Variants in DUSP19 observed in about 807,000 individuals in gnomAD.
DUSP19 encodes the protein dual specificity protein phosphatase 19.
Under a neutral mutation model 16.6 loss-of-function variants are expected in DUSP19, and 14 were observed. That is an observed-to-expected ratio of 0.84 (90% confidence interval 0.56 to 1.32). The LOEUF is 1.32. Among genes scored for constraint, DUSP19 ranks in the 40% most tolerant of loss-of-function variants. The pLI, the probability that DUSP19 is intolerant of heterozygous loss-of-function variation, is 0.00. For missense variants in DUSP19, 258 were observed against 255.9 expected, an observed-to-expected ratio of 1.01 and a Z score of -0.06; for synonymous variants, 81 against 90.5, an observed-to-expected ratio of 0.90 and a Z score of 0.59.
chr2:183,094,541 GAT>G (rs1467602528), intron 3 of DUSP19, among the ~76,000 whole-genome samples: 3 of 152,104 alleles, frequency 2.0e-5, no homozygotes, highest in Non-Finnish European at 4.4e-5. Context: ...TGTCCCATCA[GAT>G]CTATCACATT....
chr2:183,087,864 C>G (rs1398449105), intron 3 of DUSP19, among the ~76,000 whole-genome samples: 1 of 152,122 alleles, frequency 6.6e-6, no homozygotes, highest in Non-Finnish European at 1.5e-5. Flanking sequence ...ACCTTCTCTC[C>G]CTTTATCTTT....
chr2:183,087,161 G>A lies in DUSP19; in HGVS notation c.395G>A (p.Cys132Tyr). The A allele has an allele frequency of 1.2e-6, 2 of 1,612,962 alleles. No individual in the cohort carries two copies. The highest frequency in any genetic ancestry group is 1.7e-6 in the Non-Finnish European group (2 of 1,179,778). ...ETNILSYFPE[C>Y]FEFIEEAKRK... is the part of the protein sequence containing the mutation. ...AACATCCTGTCTTATTTTCCAGAAT[G>A]TTTTGAATTTATTGAAGAAGCAAAA... is the stretch of plus-strand genomic sequence containing the variant. Residue 132 changes from cysteine to tyrosine, a missense_variant, in exon 3 of 4, where the codon TGT becomes TAT. Coordinates refer to ENST00000354221, the MANE Select transcript of DUSP19 (RefSeq NM_080876.4).
At position 183,098,937 on chromosome 2, in the gene DUSP19, CA is replaced by C; in HGVS notation, c.*3282del. ...TAGACCAGTATACTAATTCAAAAGA[CA>C]AATATTTCAGAGGAAGTGGAGTACA... On this transcript the variant is annotated 3_prime_UTR_variant, in exon 4 of 4. Coordinates refer to ENST00000354221, the MANE Select transcript of DUSP19 (RefSeq NM_080876.4). 1 of 152,210 alleles carries C rather than the reference CA, an allele frequency of 6.6e-6. No individual in the cohort carries two copies. The highest frequency in any genetic ancestry group is 2.1e-4 in the South Asian group (1 of 4,816). 9.4% of individuals were successfully genotyped at this position (152,210 alleles called of 1,614,324 possible).
At chr2:183,081,685 T>C (rs1699594016) in intron 1 of DUSP19, among the ~76,000 whole-genome samples, 1 of 152,196 alleles carries the variant, frequency 6.6e-6, no homozygotes, top group African/African-American at 2.4e-5. Context: ...AATAGACAAT[T>C]ATGTATATAC....
chr2:183,088,776 TA>T (rs1164649964), intron 3 of DUSP19, among the ~76,000 whole-genome samples: 1 of 152,184 alleles, frequency 6.6e-6, no homozygotes, highest in Non-Finnish European at 1.5e-5. Context: ...GTTTTCTTGT[TA>T]AAAAATTTAC....
intron 3 of DUSP19, among the ~76,000 whole-genome samples, chr2:183,091,957 C>T (rs1185898160): frequency 1.3e-5 from 2 of 152,150 alleles, no homozygotes; most frequent in Non-Finnish European, 1.5e-5. Context: ...TTACATTCCC[C>T]TCTACTACTG....
At chr2:183,084,120 G>T (rs930112212) in intron 2 of DUSP19, among the ~76,000 whole-genome samples, 7 of 152,154 alleles carry the variant, frequency 4.6e-5, no homozygotes, top group Non-Finnish European at 1.5e-5. Context: ...AGCAGCTACC[G>T]AACAGCGTTT....
rs553066374 is a variant in DUSP19, at chr2:183,093,494, GA to G, written c.427-1928del. 1.7e-3 allele frequency among the ~76,000 whole-genome samples: 262 copies of G among 150,186 alleles called. 1 individual carries two copies. The highest frequency in any genetic ancestry group is 4.0e-3 in the African/African-American group (165 of 40,994). On this transcript the variant is annotated intron_variant, in intron 3 of 3. Coordinates refer to ENST00000354221, the MANE Select transcript of DUSP19 (RefSeq NM_080876.4). ...GCATAGGACAACAGCAAGTGCAAAG[GA>G]AAAAAAAAGTGGTTTATAAATTGTT...
intron 3 of DUSP19, among the ~76,000 whole-genome samples, chr2:183,091,227 C>A (rs964456326): frequency 2.0e-5 from 3 of 152,014 alleles, no homozygotes; most frequent in Admixed American, 2.0e-4. Context: ...AAATAAGTAC[C>A]TAAATTCACG....
At chr2:183,086,651 GAAAAAA>G (rs71008262) in intron 2 of DUSP19, among the ~76,000 whole-genome samples, 2 of 95,702 alleles carry the variant, frequency 2.1e-5, no homozygotes, top group African/African-American at 7.8e-5. Context: ...CCTCTTCTCT[GAAAAAA>G]AAAAAAAAAA....
Position 183,095,649 on chromosome 2 carries a change from C to T in DUSP19, c.645C>T (p.Asn215=). ...ATAAGTGTGACAGAATACAGGAGAA[C>T]AGTTCATGAGTTGCATTGTAGCAGA... ...ESNKCDRIQE[N]SS is the part of the protein sequence containing the mutation. The change falls in exon 4 of 4, where the codon AAC becomes AAT. Residue 215 remains asparagine (N), a synonymous_variant. Coordinates refer to ENST00000354221, the MANE Select transcript of DUSP19 (RefSeq NM_080876.4). The T allele has an allele frequency of 6.2e-7, 1 of 1,612,144 alleles. No individual in the cohort carries two copies. Among genetic ancestry groups the T allele is most frequent in the Non-Finnish European group, 8.5e-7 (1 of 1,178,550 alleles).
intron 3 of DUSP19, among the ~76,000 whole-genome samples, chr2:183,094,295 A>C (rs1180377209): frequency 6.6e-6 from 1 of 152,192 alleles, no homozygotes; most frequent in Non-Finnish European, 1.5e-5. Context: ...TTGCAGAAGT[A>C]AAATAATCCA....
chr2:183,087,316 AATATTTC>A, intron 3 of DUSP19, 124 bp downstream of exon 3: 1 of 995,760 alleles, frequency 1.0e-6, no homozygotes, highest in Non-Finnish European at 1.4e-6. Flanking sequence ...CCCTTCTAAC[AATATTTC>A]ATTATTTCCT....
intron 3 of DUSP19, among the ~76,000 whole-genome samples, chr2:183,088,278 C>T (rs988069897): frequency 6.6e-6 from 1 of 151,994 alleles, no homozygotes; most frequent in African/African-American, 2.4e-5. Context: ...GTGATGTTTA[C>T]ACCACGAAGA....
chr2:183,087,105 G>A lies in DUSP19; in HGVS notation c.339G>A (p.Lys113=), dbSNP rs1046145242. The A allele has an allele frequency of 8.7e-6, 14 of 1,613,116 alleles. No individual in the cohort carries two copies. Among genetic ancestry groups the A allele is most frequent in the East Asian group, 4.5e-5 (2 of 44,786 alleles). Residue 113 remains lysine, a synonymous_variant, in exon 3 of 4, where the codon AAG becomes AAA. Coordinates refer to ENST00000354221, the MANE Select transcript of DUSP19 (RefSeq NM_080876.4). ...ENAFLSDFTY[K]SISILDLPET... ...CTTTCCTCAGTGACTTTACATATAA[G>A]AGCATTTCTATATTGGATCTGCCTG...
intron 3 of DUSP19, among the ~76,000 whole-genome samples, chr2:183,093,021 A>G (rs369529056): frequency 5.1e-4 from 78 of 152,256 alleles, no homozygotes; most frequent in African/African-American, 1.8e-3. Context: ...TTTTAATGGA[A>G]GTTAAATATA....
chr2:183,089,564 CT>C (rs10710890), intron 3 of DUSP19, among the ~76,000 whole-genome samples: 81,541 of 151,814 alleles, frequency 0.54, 24,703 homozygotes, highest in East Asian at 0.9. Flanking sequence ...CCTGTCTATA[CT>C]GTGGACACCA....
chr2:183,091,326 C>T lies in DUSP19; in HGVS notation c.427-4105C>T, dbSNP rs1276500824. Among the ~76,000 whole-genome samples the T allele has an allele frequency of 3.9e-5, 6 of 152,008 alleles. No individual in the cohort carries two copies. The South Asian group carries it at 6.2e-4, about 16-fold the overall frequency. ...ATTTTGAACAAATAATTGGACAAAACGCCCATCAAAGCAAAGAAAGAATGA... is the reference window on the plus strand; with the variant it reads ...ATTTTGAACAAATAATTGGACAAAATGCCCATCAAAGCAAAGAAAGAATGA... On this transcript the variant is annotated intron_variant, in intron 3 of 3. Coordinates refer to ENST00000354221, the MANE Select transcript of DUSP19 (RefSeq NM_080876.4).
chr2:183,078,939 C>T lies in DUSP19; in HGVS notation c.6C>T (p.Tyr2=), dbSNP rs1177365870. The T allele has an allele frequency of 1.2e-6, 2 of 1,613,948 alleles. No individual in the cohort carries two copies. The highest frequency in any genetic ancestry group is 2.2e-5 in the East Asian group (1 of 44,884). M[Y]SLNQEIKAFS... Reference sequence around the variant, plus strand: ...TCCCAGCCACTGCTCATGTAATGTACTCCCTTAACCAGGAAATTAAAGCAT... The same window carrying T: ...TCCCAGCCACTGCTCATGTAATGTATTCCCTTAACCAGGAAATTAAAGCAT... The change falls in exon 1 of 4, where the codon TAC becomes TAT. Residue 2 remains tyrosine, a synonymous_variant. Coordinates refer to ENST00000354221, the MANE Select transcript of DUSP19 (RefSeq NM_080876.4).
Sources: allele counts gnomAD v4.1 joint callset (sites outside exome capture counted in the v4.1 genomes callset), GRCh38; gene constraint gnomAD v4.1.1; transcripts MANE v1.5; gene names NCBI Gene and HGNC (gene_info 2026-07-23, HGNC 2026-07-21).